Variants in STAP1 observed in about 807,000 individuals in gnomAD.
The protein encoded by STAP1 is signal transducing adaptor family member 1.
In STAP1, 30 loss-of-function variants were observed where a neutral mutation model predicts 37.8. The ratio of observed to expected loss-of-function variants is 0.79; its 90% CI spans 0.59 to 1.08. STAP1 has a LOEUF of 1.08. Ranked by LOEUF, STAP1 falls within the 50% of genes least tolerant of loss-of-function variation. The pLI, the probability that STAP1 is intolerant of heterozygous loss-of-function variation, is 0.00. For synonymous variants in STAP1, 130 were observed against 116.0 expected, an observed-to-expected ratio of 1.12 and a Z score of -0.78; for missense variants, 357 against 349.4, an observed-to-expected ratio of 1.02 and a Z score of -0.17.
chr4:67,559,027 T>C, intron 1 of STAP1, 98 bp downstream of exon 1: 1 of 1,191,796 alleles, frequency 8.4e-7, no homozygotes, highest in South Asian at 2.2e-5. Flanking sequence ...TTGTTTCTGT[T>C]GAAATTAAAT....
chr4:67,594,554 T>C (rs1728184019), intron 8 of STAP1, among the ~76,000 whole-genome samples: 1 of 152,110 alleles, frequency 6.6e-6, no homozygotes, highest in Non-Finnish European at 1.5e-5. Flanking sequence ...GAATTCTTCC[T>C]TGATATTGAG....
rs112837903 is a variant in STAP1 at position 67,588,353 on chromosome 4, C to T, written c.660-2531C>T. On this transcript the variant is annotated intron_variant, in intron 6 of 8. Transcript: ENST00000265404. The stretch of plus-strand genomic sequence containing the variant: ...ACAGCTTTGCCATAGACGACGACGA[C>T]GATGATGATGATGATGATGATGATA... Among the ~76,000 whole-genome samples the T allele has an allele frequency of 1.7e-3, 250 of 151,036 alleles. 3 individuals are homozygous for T. The highest frequency in any genetic ancestry group is 3.3e-3 in the African/African-American group (134 of 41,106).
intron 2 of STAP1, among the ~76,000 whole-genome samples, chr4:67,574,095 T>C (rs1727667036): frequency 6.6e-6 from 1 of 152,062 alleles, no homozygotes; most frequent in Non-Finnish European, 1.5e-5. Flanking sequence ...TGAATAGCTT[T>C]CTGGAAAAAA....
At position 67,588,691 on chromosome 4, in the gene STAP1, G is replaced by A. The variant is rs145115709; in HGVS notation, c.660-2193G>A. Among the ~76,000 whole-genome samples, 1,187 of 152,294 alleles carry A rather than the reference G, an allele frequency of 7.8e-3. 18 individuals are homozygous for A. Among genetic ancestry groups the A allele is most frequent in the African/African-American group, 0.027 (1,141 of 41,546 alleles). ...CCCAAAGTGCTGGGATTACAGGCGT[G>A]AACCACTGCGCCCGGCCAATATGAT... On this transcript the variant is annotated intron_variant, in intron 6 of 8. Coordinates refer to ENST00000265404, the MANE Select transcript of STAP1 (RefSeq NM_012108.4).
chr4:67,565,235 T>C (rs902263952), intron 1 of STAP1, among the ~76,000 whole-genome samples: 7 of 152,248 alleles, frequency 4.6e-5, no homozygotes, highest in Admixed American at 2.0e-4. Context: ...CACTCCCATA[T>C]GGTTTTTTAC....
At chr4:67,588,277 G>A (rs2046597) in intron 6 of STAP1, among the ~76,000 whole-genome samples, 109,950 of 151,932 alleles carry the variant, frequency 0.72, 41,493 homozygotes, top group Non-Finnish European at 0.84. Flanking sequence ...ATTTCATTCT[G>A]TTAGTCAAAA....
intron 6 of STAP1, among the ~76,000 whole-genome samples, chr4:67,589,937 G>A (rs1022752375): frequency 3.9e-5 from 6 of 151,984 alleles, no homozygotes; most frequent in African/African-American, 1.5e-4. Flanking sequence ...GAGTAGCTGG[G>A]ACCACATATG....
intron 6 of STAP1, among the ~76,000 whole-genome samples, chr4:67,588,039 TAAAAAAAAAAAAAAAA>T (rs3032636): frequency 1.2e-5 from 1 of 85,634 alleles, no homozygotes; most frequent in African/African-American, 5.0e-5. Context: ...CACATTTTCT[TAAAAAAAAAAAAAAAA>T]AAAAAAAAAA....
At chr4:67,578,522 CT>C (rs1727776869) in intron 4 of STAP1, among the ~76,000 whole-genome samples, 1 of 151,606 alleles carries the variant, frequency 6.6e-6, no homozygotes, top group Admixed American at 6.6e-5. Context: ...ATGTTGACTT[CT>C]GAGAGGGAGA....
At chr4:67,605,186 ATC>A (rs1470661231) in intron 8 of STAP1, among the ~76,000 whole-genome samples, 6 of 152,224 alleles carry the variant, frequency 3.9e-5, no homozygotes, top group African/African-American at 1.4e-4. Flanking sequence ...CAGTTGCCCA[ATC>A]TCTCCAAGAA....
chr4:67,573,504 T>C (rs1201090816), intron 2 of STAP1, among the ~76,000 whole-genome samples: 3 of 152,232 alleles, frequency 2.0e-5, no homozygotes, highest in Non-Finnish European at 2.9e-5. Flanking sequence ...TCCTCCTTTG[T>C]TGCAGCAAAA....
At chr4:67,601,879 A>G (rs570279780) in intron 8 of STAP1, among the ~76,000 whole-genome samples, 3 of 152,192 alleles carry the variant, frequency 2.0e-5, no homozygotes, top group African/African-American at 7.2e-5. Context: ...TTGAATATTT[A>G]TATCTTTCTC....
intron 1 of STAP1, among the ~76,000 whole-genome samples, chr4:67,567,134 T>G (rs780458323): frequency 3.3e-5 from 5 of 152,212 alleles, no homozygotes; most frequent in Non-Finnish European, 5.9e-5. Context: ...AATTAAGATG[T>G]GTTTTCTTGT....
At chr4:67,588,718 G>A (rs1289538536) in intron 6 of STAP1, among the ~76,000 whole-genome samples, 1 of 151,988 alleles carries the variant, frequency 6.6e-6, no homozygotes, top group Non-Finnish European at 1.5e-5. Context: ...CAATATGATG[G>A]CTTTTAAAAA....
At chr4:67,596,309 G>A (rs1345513043) in intron 8 of STAP1, among the ~76,000 whole-genome samples, 2 of 152,162 alleles carry the variant, frequency 1.3e-5, no homozygotes, top group Admixed American at 6.5e-5. Context: ...TAAGTTTCCT[G>A]AGGCTTCTGT....
At chr4:67,593,909 C>A (rs998016523) in intron 8 of STAP1, among the ~76,000 whole-genome samples, 1 of 152,184 alleles carries the variant, frequency 6.6e-6, no homozygotes, top group African/African-American at 2.4e-5. Flanking sequence ...GGACCAGCTA[C>A]AGAATTTGCC....
At position 67,575,593 on chromosome 4, in the gene STAP1, G is replaced by C. The variant is rs995155941; in HGVS notation, c.306+95G>C. On this transcript the variant is annotated intron_variant, in intron 3 of 8. Transcript: ENST00000265404. Reference sequence around the variant, plus strand: ...GAAGTAAAGAGAAATTGTAAGACAGGCTAAGTCTTACACTTTGTTAATATT... The same window carrying C: ...GAAGTAAAGAGAAATTGTAAGACAGCCTAAGTCTTACACTTTGTTAATATT... The C allele has an allele frequency of 1.4e-5, 13 of 899,610 alleles. No homozygotes were observed. The Admixed American group carries it at 1.6e-4, about 11-fold the overall frequency. The allele number at this position is 899,610 out of a possible 1,614,324, so 55.7% of individuals were successfully genotyped here. A position where few individuals can be genotyped will look rare whatever the true frequency, so the allele number is the denominator to read the frequency against.
rs745833034 is a variant in STAP1, at chr4:67,558,791, A to G, written c.-19A>G. 1.2e-6 allele frequency: 2 copies of G among 1,600,304 alleles called. No homozygotes were observed. Among genetic ancestry groups the G allele is most frequent in the African/African-American group, 2.7e-5 (2 of 73,916 alleles). On this transcript the variant is annotated 5_prime_UTR_variant, in exon 1 of 9. Coordinates refer to ENST00000265404, the MANE Select transcript of STAP1 (RefSeq NM_012108.4). ...TTTGTTTGAGACGAGAAACCAAACC[A>G]CACACCAAAGAGAGGGGTATGATGG...
In STAP1 at chr4:67,590,739, C is replaced by T. The variant is rs531182850; in HGVS notation, c.660-145C>T. 4.1e-4 allele frequency: 187 copies of T among 457,730 alleles called. 3 individuals carry two copies. Among genetic ancestry groups the T allele is most frequent in the Non-Finnish European group, 2.5e-4 (71 of 282,862 alleles). The allele number at this position is 457,730 out of a possible 1,614,324, so 28.4% of individuals were successfully genotyped here. ...CAGGTAAACAGAAAATAAAAAACCACGAAGGATTTTTTTTTTTTTTTTTTT... is the reference window on the plus strand; with the variant it reads ...CAGGTAAACAGAAAATAAAAAACCATGAAGGATTTTTTTTTTTTTTTTTTT... On this transcript the variant is annotated intron_variant, in intron 6 of 8. Coordinates refer to ENST00000265404, the MANE Select transcript of STAP1 (RefSeq NM_012108.4).
Sources: gnomAD v4.1 joint callset for allele counts (sites outside exome capture counted in the v4.1 genomes callset) on GRCh38, gnomAD v4.1.1 for gene constraint, MANE v1.5 for transcripts, NCBI Gene and HGNC (gene_info 2026-07-23, HGNC 2026-07-21) for gene names.